Variants in AGBL4 observed in about 807,000 individuals in gnomAD.
AGBL4 encodes cytosolic carboxypeptidase 6.
In AGBL4, 58 loss-of-function variants were observed where a neutral mutation model predicts 66.4. The ratio of observed to expected loss-of-function variants is 0.87; its 90% CI spans 0.71 to 1.09. The LOEUF (loss-of-function observed/expected upper bound fraction) is 1.09. AGBL4 is among the 50% of genes least tolerant of loss of function. The pLI is 0.00. For missense variants in AGBL4, 579 were observed against 631.0 expected (o/e 0.92, Z 0.88); for synonymous variants, 234 against 222.9 (o/e 1.05, Z -0.44).
chr1:48,796,148 A>G (rs552337411), intron 6 of AGBL4, among the ~76,000 whole-genome samples: 1 of 152,280 alleles, frequency 6.6e-6, no homozygotes, highest in Admixed American at 6.5e-5. Context: ...CATTTGTCCA[A>G]TTACTATTTA....
chr1:48,937,263 T>A (rs1655558618), intron 5 of AGBL4, among the ~76,000 whole-genome samples: 1 of 152,184 alleles, frequency 6.6e-6, no homozygotes, highest in Non-Finnish European at 1.5e-5. Flanking sequence ...TGGAGAATGG[T>A]AGAGCTATGA....
chr1:48,693,508 G>T (rs1015514130), intron 6 of AGBL4, among the ~76,000 whole-genome samples: 2 of 152,174 alleles, frequency 1.3e-5, no homozygotes, highest in African/African-American at 4.8e-5. Flanking sequence ...GAAATTTCAC[G>T]GTGGCGTGTG....
chr1:49,080,320 C>T (rs929229634), intron 4 of AGBL4, among the ~76,000 whole-genome samples: 14 of 152,090 alleles, frequency 9.2e-5, no homozygotes, highest in Non-Finnish European at 1.3e-4. Flanking sequence ...AATATGGTAC[C>T]CAGAGGTTAG....
intron 11 of AGBL4, among the ~76,000 whole-genome samples, chr1:48,556,885 G>A (rs1644329046): frequency 6.6e-6 from 1 of 152,114 alleles, no homozygotes; most frequent in African/African-American, 2.4e-5. Context: ...CACCTCCTGG[G>A]CTCAAGCGAT....
At chr1:48,647,485 G>A (rs1302737217) in intron 8 of AGBL4, 1 of 314,242 alleles carries the variant, frequency 3.2e-6, no homozygotes, top group Non-Finnish European at 6.5e-6. Context: ...GTTATTCTGA[G>A]GCTGTACCTG....
Position 49,304,053 on chromosome 1 carries a change from T to C in AGBL4, c.283-58189A>G, listed in dbSNP as rs576960413. On this transcript the variant is annotated intron_variant, in intron 3 of 13. Transcript: ENST00000371839. Reference sequence around the variant, plus strand: ...TGACATTTTTGTCATGAAATCTGTGTGTGTCTATGTCCTGCATGGTATTGC... The same window carrying C: ...TGACATTTTTGTCATGAAATCTGTGCGTGTCTATGTCCTGCATGGTATTGC... 3.3e-5 allele frequency among the ~76,000 whole-genome samples: 5 copies of C among 152,258 alleles called. 1 individual carries two copies. Among genetic ancestry groups the C allele is most frequent in the African/African-American group, 7.2e-5 (3 of 41,558 alleles).
chr1:48,617,013 T>C (rs1645330201), intron 9 of AGBL4, among the ~76,000 whole-genome samples: 1 of 151,854 alleles, frequency 6.6e-6, no homozygotes, highest in South Asian at 2.1e-4. Flanking sequence ...ATAGTAGATG[T>C]GTTGGCAGAT....
intron 6 of AGBL4, among the ~76,000 whole-genome samples, chr1:48,865,090 T>C (rs1332604723): frequency 2.0e-5 from 3 of 151,992 alleles, no homozygotes; most frequent in African/African-American, 7.2e-5. Flanking sequence ...TTGAAGATGG[T>C]CTGGGGAGGA....
chr1:48,995,222 T>G (rs1310322891), intron 5 of AGBL4, among the ~76,000 whole-genome samples: 1 of 152,206 alleles, frequency 6.6e-6, no homozygotes, highest in Non-Finnish European at 1.5e-5. Context: ...AATTTCAGTT[T>G]CAGTTTATCT....
chr1:48,972,732 A>G (rs1411402929), intron 5 of AGBL4, among the ~76,000 whole-genome samples: 2 of 152,200 alleles, frequency 1.3e-5, no homozygotes, highest in African/African-American at 2.4e-5. Flanking sequence ...AGTGATCAGT[A>G]TAAGACAGGG....
chr1:49,111,528 T>C (rs1557649865), intron 4 of AGBL4, among the ~76,000 whole-genome samples: 1 of 152,246 alleles, frequency 6.6e-6, no homozygotes, highest in East Asian at 1.9e-4. Flanking sequence ...TATTCAATCT[T>C]CAGATTAAAT....
intron 5 of AGBL4, among the ~76,000 whole-genome samples, chr1:49,002,814 T>C (rs944016534): frequency 6.6e-6 from 1 of 152,136 alleles, no homozygotes; most frequent in African/African-American, 2.4e-5. Context: ...CAAAGAAATA[T>C]AAAGTTTAAC....
intron 3 of AGBL4, among the ~76,000 whole-genome samples, chr1:49,486,977 A>G (rs1028525950): frequency 1.3e-5 from 2 of 152,040 alleles, no homozygotes. Context: ...AAATAGCTAT[A>G]AATGTTAGAA....
chr1:49,738,720 G>T lies in AGBL4; in HGVS notation c.158-41283C>A, dbSNP rs571642228. Among the ~76,000 whole-genome samples the T allele has an allele frequency of 8.1e-3, 1,229 of 152,298 alleles. 10 individuals are homozygous for T. Among genetic ancestry groups the T allele is most frequent in the Non-Finnish European group, 0.013 (870 of 68,020 alleles). On this transcript the variant is annotated intron_variant, in intron 2 of 13. Transcript: ENST00000371839. ...TCTGAGACAAAACTTCCAGAGGAACGATCAGGCAGCAACATTTGCTGTTCA... is the reference window on the plus strand; with the variant it reads ...TCTGAGACAAAACTTCCAGAGGAACTATCAGGCAGCAACATTTGCTGTTCA...
chr1:49,113,623 C>A (rs903313306), intron 4 of AGBL4, among the ~76,000 whole-genome samples: 4 of 152,138 alleles, frequency 2.6e-5, no homozygotes, highest in African/African-American at 9.7e-5. Flanking sequence ...TTACCTAGAC[C>A]CATCAGAGAA....
At chr1:48,770,307 C>T (rs1233233485) in intron 6 of AGBL4, among the ~76,000 whole-genome samples, 1 of 152,118 alleles carries the variant, frequency 6.6e-6, no homozygotes, top group African/African-American at 2.4e-5. Flanking sequence ...AAGGTAGCTG[C>T]TATATAGTTA....
At position 49,467,383 on chromosome 1, in the gene AGBL4, G is replaced by A. The variant is rs527700343; in HGVS notation, c.283-221519C>T. On this transcript the variant is annotated intron_variant, in intron 3 of 13. Coordinates refer to ENST00000371839, the MANE Select transcript of AGBL4 (RefSeq NM_032785.4). ...ATAAAAACTACTAAACTGTCAGATA[G>A]AAGAGGTTCAATATTTGTTCTCATA... 7.8e-4 allele frequency among the ~76,000 whole-genome samples: 118 copies of A among 151,976 alleles called. 1 individual carries two copies. The highest frequency in any genetic ancestry group is 2.7e-3 in the African/African-American group (112 of 41,528).
At chr1:48,847,048 C>A (rs1008509669) in intron 6 of AGBL4, among the ~76,000 whole-genome samples, 10 of 152,186 alleles carry the variant, frequency 6.6e-5, no homozygotes, top group Non-Finnish European at 1.3e-4. Context: ...TGCCTGTAAT[C>A]CCAGCACTTC....
Position 48,866,259 on chromosome 1 carries a change from G to C in AGBL4, c.634+932C>G, listed in dbSNP as rs143658901. ...CTTTGTGGAGGGAAGGGCTGACAGA[G>C]TTCAGCCATGCTGGTTACTAATATA... On this transcript the variant is annotated intron_variant, in intron 6 of 13. Transcript: ENST00000371839. 4.8e-4 allele frequency among the ~76,000 whole-genome samples: 73 copies of C among 152,242 alleles called. 1 individual carries two copies. The South Asian group carries it at 9.7e-3, about 20-fold the overall frequency.
Sources: gnomAD v4.1 joint callset for allele counts (sites outside exome capture counted in the v4.1 genomes callset) on GRCh38, gnomAD v4.1.1 for gene constraint, MANE v1.5 for transcripts, NCBI Gene and HGNC (gene_info 2026-07-23, HGNC 2026-07-21) for gene names.